Variants in EIF2AK2 observed in about 807,000 individuals in gnomAD.
EIF2AK2 encodes the protein interferon-induced, double-stranded RNA-activated protein kinase.
In EIF2AK2, 40 loss-of-function variants were observed where a neutral mutation model predicts 70.5. The ratio of observed to expected loss-of-function variants is 0.57; its 90% CI spans 0.44 to 0.74. The LOEUF is 0.74. EIF2AK2 is among the 30% of genes least tolerant of loss of function. EIF2AK2 has a pLI of 0.00. For missense variants in EIF2AK2, 555 were observed against 644.3 expected, an observed-to-expected ratio of 0.86 and a Z score of 1.50; for synonymous variants, 198 against 220.9, an observed-to-expected ratio of 0.90 and a Z score of 0.92.
At position 37,107,121 on chromosome 2, in the gene EIF2AK2, C is replaced by A; in HGVS notation, c.*152G>T. The A allele has an allele frequency of 4.1e-6, 4 of 978,974 alleles. No individual in the cohort carries two copies. The highest frequency in any genetic ancestry group is 5.5e-6 in the Non-Finnish European group (4 of 722,810). The allele number at this position is 978,974 out of a possible 1,614,324, so 60.6% of individuals were successfully genotyped here. ...GTTTTTGAAGCAAAAAGAAGAAAAC[C>A]TTTCTGTTTCTGCAGAAAGATTAGT... On this transcript the variant is annotated 3_prime_UTR_variant, in exon 17 of 17. Coordinates refer to ENST00000233057, the MANE Select transcript of EIF2AK2 (RefSeq NM_001135651.3).
At position 37,120,052 on chromosome 2, in the gene EIF2AK2, T is replaced by C; in HGVS notation, c.1155A>G (p.Lys385=). 1 of 1,566,796 alleles carries C rather than the reference T, an allele frequency of 6.4e-7. No individual in the cohort carries two copies. The highest frequency in any genetic ancestry group is 1.4e-5 in the African/African-American group (1 of 73,340). ...EQWIEKRRGE[K]LDKVLALELF... ...GTTCCAAAGCCAAAACTTTGTCTAG[T>C]TTCTCGCCTCTTCTTTTTTCAATCC... Residue 385 remains lysine, a synonymous_variant, in exon 13 of 17, where the codon AAA becomes AAG. Transcript: ENST00000233057.
intron 4 of EIF2AK2, among the ~76,000 whole-genome samples, chr2:37,142,426 C>T (rs1291711648): frequency 6.6e-6 from 1 of 152,132 alleles, no homozygotes; most frequent in Non-Finnish European, 1.5e-5. Flanking sequence ...AGCCACCACA[C>T]CCGGCTGAGT....
chr2:37,126,617 G>A (rs560710170), intron 10 of EIF2AK2, among the ~76,000 whole-genome samples: 81 of 152,026 alleles, frequency 5.3e-4, no homozygotes, highest in African/African-American at 1.9e-3. Context: ...CAAGTCTAAC[G>A]TAACATATCA....
chr2:37,156,172 A>G (rs12712526), intron 1 of EIF2AK2, among the ~76,000 whole-genome samples: 69,166 of 151,828 alleles, frequency 0.46, 16,272 homozygotes, highest in East Asian at 0.77. Context: ...AGAAGAAACA[A>G]GCAGTGCAAA....
rs1673832657 is a variant in EIF2AK2 at position 37,101,759 on chromosome 2, G to T, written c.*5514C>A. ...AGACACATCAACCAAATGCAATGTT[G>T]GATCTAGATTTCAACAACCAAGAAA... On this transcript the variant is annotated 3_prime_UTR_variant, in exon 17 of 17. Transcript: ENST00000233057. The T allele has an allele frequency of 6.6e-6, 1 of 152,064 alleles. No homozygotes were observed. Among genetic ancestry groups the T allele is most frequent in the Non-Finnish European group, 1.5e-5 (1 of 68,004 alleles). 9.4% of individuals were successfully genotyped at this position (152,064 alleles called of 1,614,324 possible). A position where few individuals can be genotyped will look rare whatever the true frequency, so the allele number is the denominator to read the frequency against.
chr2:37,109,161 T>C (rs769765973), intron 15 of EIF2AK2, 33 bp downstream of exon 15: 6 of 1,605,094 alleles, frequency 3.7e-6, no homozygotes, highest in Non-Finnish European at 5.1e-6. Context: ...CAGTAATTTT[T>C]CTTGTTTAAT....
Position 37,122,700 on chromosome 2 carries a change from T to C in EIF2AK2, c.909-36A>G. 3.1e-6 allele frequency: 5 copies of C among 1,612,422 alleles called. No individual in the cohort carries two copies. In the Middle Eastern group the frequency reaches 5.0e-4, roughly 160 times the overall value. On this transcript the variant is annotated intron_variant, in intron 11 of 16. Coordinates refer to ENST00000233057, the MANE Select transcript of EIF2AK2 (RefSeq NM_001135651.3). The stretch of plus-strand genomic sequence containing the variant: ...GGAACAGGGAACATGGCAGTGTCAG[T>C]GTACATCCCTCATAACAACCACAAA...
chr2:37,132,865 AG>A (rs1674996979), intron 10 of EIF2AK2, among the ~76,000 whole-genome samples: 1 of 152,170 alleles, frequency 6.6e-6, no homozygotes, highest in Non-Finnish European at 1.5e-5. Flanking sequence ...CCAGTAAAAA[AG>A]GTTCGATTTC....
intron 13 of EIF2AK2, among the ~76,000 whole-genome samples, chr2:37,117,322 G>A (rs1222035419): frequency 6.6e-6 from 1 of 151,864 alleles, no homozygotes; most frequent in Non-Finnish European, 1.5e-5. Flanking sequence ...CAGATCACTT[G>A]AGCTCAGGAG....
chr2:37,117,640 C>T (rs2148672761), intron 13 of EIF2AK2, among the ~76,000 whole-genome samples: 1 of 152,280 alleles, frequency 6.6e-6, no homozygotes, highest in Non-Finnish European at 1.5e-5. Context: ...ATGCAAACTT[C>T]ACCTAGGAGG....
chr2:37,149,890 C>G (rs1675683111), intron 1 of EIF2AK2, among the ~76,000 whole-genome samples: 1 of 152,140 alleles, frequency 6.6e-6, no homozygotes, highest in Non-Finnish European at 1.5e-5. Context: ...TTGTCCTCCA[C>G]CTGACATTTT....
intron 11 of EIF2AK2, among the ~76,000 whole-genome samples, chr2:37,125,969 G>A (rs1015683215): frequency 1.2e-4 from 19 of 152,148 alleles, no homozygotes; most frequent in African/African-American, 4.6e-4. Flanking sequence ...GTAATGATAG[G>A]TTCTATCTGG....
At chr2:37,113,049 T>C (rs1453758724) in intron 14 of EIF2AK2, among the ~76,000 whole-genome samples, 1 of 152,228 alleles carries the variant, frequency 6.6e-6, no homozygotes. Context: ...GAAAATCAAG[T>C]TAGATTCCTT....
At position 37,135,502 on chromosome 2, in the gene EIF2AK2, T is replaced by G. The variant is rs1237681873; in HGVS notation, c.767A>C (p.Lys256Thr). Reference protein sequence around the residue: ...RFDLPDMKETKYTVDKRFGMD... With the variant: ...RFDLPDMKETTYTVDKRFGMD... ...ATCTTACCTCTTGTCCACAGTATAC[T>G]TTGTTTCTTTCATGTCAGGAAGGTC... The change falls in exon 10 of 17, where the codon AAG (lysine) becomes ACG (threonine). Residue 256 changes from lysine (K) to threonine (T), a missense_variant. By Grantham distance (78) the Lys-to-Thr change is moderately conservative. Coordinates refer to ENST00000233057, the MANE Select transcript of EIF2AK2 (RefSeq NM_001135651.3). 6.2e-7 allele frequency: 1 copy of G among 1,610,544 alleles called. No individual in the cohort carries two copies. The highest frequency in any genetic ancestry group is 8.5e-7 in the Non-Finnish European group (1 of 1,178,382).
At chr2:37,122,958 G>C (rs529916455) in intron 11 of EIF2AK2, among the ~76,000 whole-genome samples, 1 of 152,200 alleles carries the variant, frequency 6.6e-6, no homozygotes, top group Non-Finnish European at 1.5e-5. Context: ...ACGAGGTCAG[G>C]AGTTCAAGAC....
intron 4 of EIF2AK2, among the ~76,000 whole-genome samples, chr2:37,145,130 T>G (rs184823800): frequency 6.6e-6 from 1 of 150,532 alleles, no homozygotes; most frequent in Non-Finnish European, 1.5e-5. Context: ...TGTTTGTTTG[T>G]GGTTTTGTGG....
intron 2 of EIF2AK2, chr2:37,148,523 A>C: frequency 1.5e-6 from 1 of 658,876 alleles, no homozygotes; most frequent in South Asian, 1.6e-5. Context: ...ATATGCTAGA[A>C]TCAACAATGA....
At chr2:37,143,650 G>A (rs780458142) in intron 4 of EIF2AK2, among the ~76,000 whole-genome samples, 3 of 152,154 alleles carry the variant, frequency 2.0e-5, no homozygotes, top group Non-Finnish European at 4.4e-5. Flanking sequence ...TTGGGAGGCT[G>A]AGGTGGGCAG....
At position 37,156,965 on chromosome 2, in the gene EIF2AK2, G is replaced by A. The variant is rs112719085; in HGVS notation, c.-241C>T. 0.034 allele frequency: 6,335 copies of A among 184,820 alleles called. 144 individuals carry two copies. The highest frequency in any genetic ancestry group is 0.062 in the African/African-American group (2,611 of 41,880). The allele number at this position is 184,820 out of a possible 1,614,324, so 11.4% of individuals were successfully genotyped here. A position where few individuals can be genotyped will look rare whatever the true frequency, so the allele number is the denominator to read the frequency against. On this transcript the variant is annotated 5_prime_UTR_variant, in exon 1 of 17. Transcript: ENST00000233057. Reference sequence around the variant, plus strand: ...GCCGGAGACCCGCGGCTTCGGGAGAGCTGGTTCTCAGTTTCGTTTTCCCCT... The same window carrying A: ...GCCGGAGACCCGCGGCTTCGGGAGAACTGGTTCTCAGTTTCGTTTTCCCCT...
Sources: allele counts gnomAD v4.1 joint callset (sites outside exome capture counted in the v4.1 genomes callset), GRCh38; gene constraint gnomAD v4.1.1; transcripts MANE v1.5; gene names NCBI Gene and HGNC (gene_info 2026-07-23, HGNC 2026-07-21).